CFAP144: variants seen among roughly 807,000 people sequenced by gnomAD.
CFAP144 encodes the protein cilia- and flagella-associated protein 144.
At chr1:43,145,253 A>G in the CFAP144 span, 5 of 1,549,926 alleles carry the variant, frequency 3.2e-6, no homozygotes, top group Non-Finnish European at 3.5e-6. Context: ...CAGAGAATGA[A>G]GAGGAGAGTG....
the CFAP144 span, chr1:43,152,959 A>G: frequency 6.3e-7 from 1 of 1,593,750 alleles, no homozygotes; most frequent in Non-Finnish European, 8.6e-7. Flanking sequence ...CTCAGGAAAT[A>G]CGAGGAAACA....
the CFAP144 span, chr1:43,152,616 G>GC: frequency 2.1e-6 from 1 of 482,132 alleles, no homozygotes; most frequent in Non-Finnish European, 3.7e-6. Context: ...TATGCCCAGC[G>GC]CCCGGAAGCA....
At chr1:43,151,006 TA>T in the CFAP144 span, among the ~76,000 whole-genome samples, 3,675 of 152,004 alleles carry the variant, frequency 0.024, 46 homozygotes, top group Middle Eastern at 0.031. Context: ...GTAGATAGAA[TA>T]AAAAAAATAA....
the CFAP144 span, chr1:43,152,909 T>C: frequency 6.2e-7 from 1 of 1,613,106 alleles, no homozygotes; most frequent in Non-Finnish European, 8.5e-7. Context: ...AACCAGGAAG[T>C]TGGATGGGAC....
At chr1:43,146,931 C>T in the CFAP144 span, among the ~76,000 whole-genome samples, 82 of 152,302 alleles carry the variant, frequency 5.4e-4, no homozygotes, top group Non-Finnish European at 1.0e-3. Flanking sequence ...CTGCAACCTC[C>T]GCCTCCCGGG....
chr1:43,145,126 G>GTT, the CFAP144 span: 1 of 719,352 alleles, frequency 1.4e-6, no homozygotes, highest in Non-Finnish European at 2.4e-6. Context: ...TTTTTTGACA[G>GTT]TTTGCTCCTT....
chr1:43,154,051 T>C, the CFAP144 span, among the ~76,000 whole-genome samples: 1 of 87,076 alleles, frequency 1.1e-5, no homozygotes, highest in Non-Finnish European at 2.0e-5. Context: ...TCTCTCTTTA[T>C]ATATGTGTGT....
At chr1:43,154,631 C>A in the CFAP144 span, among the ~76,000 whole-genome samples, 2 of 151,842 alleles carry the variant, frequency 1.3e-5, no homozygotes, top group African/African-American at 4.8e-5. Context: ...TATTCAATGA[C>A]TGTTAAAAAC....
the CFAP144 span, among the ~76,000 whole-genome samples, chr1:43,148,620 C>T: frequency 6.6e-6 from 1 of 152,138 alleles, no homozygotes; most frequent in African/African-American, 2.4e-5. Flanking sequence ...CTCACAGCTC[C>T]CCTCCCTGGA....
chr1:43,156,351 T>C, the CFAP144 span: 1 of 1,467,190 alleles, frequency 6.8e-7, no homozygotes, highest in Middle Eastern at 1.7e-4. Flanking sequence ...ATCTAATGCC[T>C]TAAGTGTGCA....
At chr1:43,153,804 T>G in the CFAP144 span, among the ~76,000 whole-genome samples, 1 of 150,978 alleles carries the variant, frequency 6.6e-6, no homozygotes, top group Non-Finnish European at 1.5e-5. Flanking sequence ...CTTCCTTTTT[T>G]AAGGAAGAAA....
At chr1:43,154,022 T>G in the CFAP144 span, among the ~76,000 whole-genome samples, 1 of 145,610 alleles carries the variant, frequency 6.9e-6, no homozygotes. Context: ...TTCTCTAACT[T>G]TTTTTTCTTA....
At chr1:43,146,346 T>G in the CFAP144 span, among the ~76,000 whole-genome samples, 15,440 of 152,256 alleles carry the variant, frequency 0.1, 1,123 homozygotes, top group East Asian at 0.29. Context: ...CTTGCTCTCT[T>G]AATGCAGATA....
the CFAP144 span, among the ~76,000 whole-genome samples, chr1:43,147,384 T>C: frequency 8.8e-6 from 1 of 113,572 alleles, no homozygotes; most frequent in Non-Finnish European, 1.7e-5. Context: ...ACACAAACAT[T>C]AAAAATAAAC....
chr1:43,145,256 G>C, the CFAP144 span: 1 of 1,550,032 alleles, frequency 6.5e-7, no homozygotes. Flanking sequence ...AGAATGAAGA[G>C]GAGAGTGAAG....
the CFAP144 span, among the ~76,000 whole-genome samples, chr1:43,155,543 C>G: frequency 6.6e-6 from 1 of 152,242 alleles, no homozygotes; most frequent in Non-Finnish European, 1.5e-5. Context: ...AATGCCATCA[C>G]AAGAGCACTG....
At chr1:43,154,155 CTT>C in the CFAP144 span, among the ~76,000 whole-genome samples, 2 of 126,182 alleles carry the variant, frequency 1.6e-5, no homozygotes, top group African/African-American at 2.9e-5. Flanking sequence ...TATATTCTCT[CTT>C]TTTATATTCT....
the CFAP144 span, chr1:43,148,190 T>A: frequency 8.6e-7 from 1 of 1,162,328 alleles, no homozygotes; most frequent in Non-Finnish European, 1.2e-6. Flanking sequence ...AAAAACTCTT[T>A]CCCCAGCACC....
chr1:43,147,563 C>G, the CFAP144 span, among the ~76,000 whole-genome samples: 1 of 152,190 alleles, frequency 6.6e-6, no homozygotes, highest in African/African-American at 2.4e-5. Flanking sequence ...GTTTCTGACT[C>G]CTTCCAAAAG....
Sources: gnomAD v4.1 joint callset for allele counts (sites outside exome capture counted in the v4.1 genomes callset) on GRCh38, gnomAD v4.1.1 for gene constraint, MANE v1.5 for transcripts, NCBI Gene and HGNC (gene_info 2026-07-23, HGNC 2026-07-21) for gene names.